The following CHKA variants were observed in gnomAD, a reference collection of about 807,000 sequenced individuals.
CHKA encodes the protein CHETK-alpha.
A neutral mutation model predicts 60.1 loss-of-function variants in CHKA; 34 were observed. The observed-to-expected ratio is 0.57, with a 90% CI of 0.43 to 0.75. The LOEUF (loss-of-function observed/expected upper bound fraction) is 0.75. Among genes scored for constraint, CHKA ranks in the 30% least tolerant of loss-of-function variants. The pLI, the probability that CHKA is intolerant of heterozygous loss-of-function variation, is 0.00. For missense variants in CHKA, 563 were observed against 561.3 expected (o/e 1.00, Z -0.03); for synonymous variants, 217 against 223.1 (o/e 0.97, Z 0.24).
intron 2 of CHKA, among the ~76,000 whole-genome samples, chr11:68,084,743 A>C (rs1857126338): frequency 6.6e-6 from 1 of 152,036 alleles, no homozygotes; most frequent in South Asian, 2.1e-4. Context: ...ATATTTACAG[A>C]ATAATATAAC....
intron 1 of CHKA, among the ~76,000 whole-genome samples, chr11:68,106,922 T>C (rs1188786659): frequency 4.6e-5 from 7 of 152,044 alleles, no homozygotes; most frequent in Non-Finnish European, 1.0e-4. Flanking sequence ...CTCTATTCAC[T>C]AGATGCCAGC....
intron 2 of CHKA, among the ~76,000 whole-genome samples, chr11:68,087,068 G>T (rs1002367978): frequency 6.6e-6 from 1 of 152,114 alleles, no homozygotes; most frequent in Non-Finnish European, 1.5e-5. Context: ...AATACTACAT[G>T]AGCTGCTGTG....
At chr11:68,082,189 A>C (rs909850418) in intron 2 of CHKA, 4 of 152,028 alleles carry the variant, frequency 2.6e-5, no homozygotes, top group Non-Finnish European at 4.4e-5. Flanking sequence ...TAGATCATTA[A>C]CTACCATAAA....
intron 10 of CHKA, 53 bp downstream of exon 10, chr11:68,064,472 T>C (rs1281729925): frequency 6.8e-6 from 6 of 877,646 alleles, no homozygotes; most frequent in Admixed American, 5.5e-5. Flanking sequence ...CTCCCAAATA[T>C]AGTCTATAAA....
chr11:68,055,802 T>TG (rs1855994015), intron 11 of CHKA, among the ~76,000 whole-genome samples: 1 of 151,944 alleles, frequency 6.6e-6, no homozygotes, highest in Non-Finnish European at 1.5e-5. Flanking sequence ...CCTAGCACTT[T>TG]GGGAGGCCAA....
At chr11:68,057,574 C>G (rs537416269) in intron 11 of CHKA, among the ~76,000 whole-genome samples, 224 of 152,320 alleles carry the variant, frequency 1.5e-3, no homozygotes, top group African/African-American at 5.0e-3. Flanking sequence ...CAGCCTCGGC[C>G]TCCCAAAGTG....
chr11:68,107,238 TGA>T lies in CHKA; in HGVS notation c.351-10110_351-10109del, dbSNP rs528151993. 1.5e-3 allele frequency among the ~76,000 whole-genome samples: 226 copies of T among 151,568 alleles called. 2 individuals are homozygous for T. Among genetic ancestry groups the T allele is most frequent in the Middle Eastern group, 3.4e-3 (1 of 292 alleles). The stretch of plus-strand genomic sequence containing the variant: ...CTGCACTCCAACCTGGGTGACAGAG[TGA>T]GACTCTGTCTCAAAAAAAAAAATGT... On this transcript the variant is annotated intron_variant, in intron 1 of 11. Coordinates refer to ENST00000265689, the MANE Select transcript of CHKA (RefSeq NM_001277.3).
chr11:68,067,566 G>A (rs1187442251), intron 7 of CHKA, among the ~76,000 whole-genome samples: 1 of 152,134 alleles, frequency 6.6e-6, no homozygotes, highest in South Asian at 2.1e-4. Flanking sequence ...CTGCACACCA[G>A]CCTGGGTGAC....
At chr11:68,107,166 C>T (rs1160513095) in intron 1 of CHKA, among the ~76,000 whole-genome samples, 2 of 151,908 alleles carry the variant, frequency 1.3e-5, no homozygotes, top group Non-Finnish European at 2.9e-5. Flanking sequence ...GCAGGAGAAT[C>T]GCTTGAACCT....
At chr11:68,069,678 G>A (rs1218497030) in intron 6 of CHKA, among the ~76,000 whole-genome samples, 1 of 147,728 alleles carries the variant, frequency 6.8e-6, no homozygotes, top group Non-Finnish European at 1.5e-5. Flanking sequence ...GCGAGACTCC[G>A]TCTTATAAAA....
chr11:68,077,185 A>G (rs1856821082), intron 3 of CHKA, among the ~76,000 whole-genome samples: 1 of 151,992 alleles, frequency 6.6e-6, no homozygotes, highest in African/African-American at 2.4e-5. Context: ...GGTTGCAGTG[A>G]GCCGAGATCA....
chr11:68,057,473 C>G (rs1856066679), intron 11 of CHKA, among the ~76,000 whole-genome samples: 1 of 152,158 alleles, frequency 6.6e-6, no homozygotes, highest in South Asian at 2.1e-4. Context: ...GCACCTGCCA[C>G]CAGGCCCGGC....
At chr11:68,070,130 C>T in intron 6 of CHKA, 59 bp downstream of exon 6, 1 of 1,241,540 alleles carries the variant, frequency 8.1e-7, no homozygotes, top group Non-Finnish European at 1.2e-6. Context: ...TCAATGTTTA[C>T]TGACAACAGT....
Position 68,120,871 on chromosome 11 carries a change from A to C in CHKA, c.307T>G (p.Trp103Gly). 1 of 1,353,868 alleles carries C rather than the reference A, an allele frequency of 7.4e-7. No individual in the cohort carries two copies. The highest frequency in any genetic ancestry group is 1.5e-5 in the South Asian group (1 of 67,398). 83.9% of individuals were successfully genotyped at this position (1,353,868 alleles called of 1,614,324 possible). A position where few individuals can be genotyped will look rare whatever the true frequency, so the allele number is the denominator to read the frequency against. The change falls in exon 1 of 12, where the codon TGG becomes GGG. Residue 103 changes from tryptophan to glycine, a missense_variant. By Grantham distance (184) the Trp-to-Gly change is radical. Coordinates refer to ENST00000265689, the MANE Select transcript of CHKA (RefSeq NM_001277.3). Reference sequence around the variant, plus strand: ...AACTCGTCCTCGCGGAGGCCCCGCCAGGCGCCGGGCAGGAACTCCTTGCAC... The same window carrying C: ...AACTCGTCCTCGCGGAGGCCCCGCCCGGCGCCGGGCAGGAACTCCTTGCAC... ...LWCKEFLPGA[W>G]RGLREDEFHI...
intron 1 of CHKA, among the ~76,000 whole-genome samples, chr11:68,111,961 G>C (rs1858160888): frequency 6.8e-6 from 1 of 147,006 alleles, no homozygotes; most frequent in Non-Finnish European, 1.5e-5. Flanking sequence ...GCTGAGGCAG[G>C]AGAATCGCTT....
At chr11:68,106,573 C>T (rs1437262001) in intron 1 of CHKA, among the ~76,000 whole-genome samples, 1 of 151,868 alleles carries the variant, frequency 6.6e-6, no homozygotes, top group Non-Finnish European at 1.5e-5. Context: ...AAGACCAGTC[C>T]AGCCCAGGTG....
intron 1 of CHKA, among the ~76,000 whole-genome samples, chr11:68,109,427 A>G (rs932419178): frequency 6.6e-6 from 1 of 152,124 alleles, no homozygotes; most frequent in Non-Finnish European, 1.5e-5. Flanking sequence ...TCTGTTCTTA[A>G]CAAGGTCTGC....
intron 1 of CHKA, among the ~76,000 whole-genome samples, chr11:68,105,514 CAAAAAAAAAAAAAAAA>C (rs1170085830): frequency 7.7e-5 from 5 of 64,954 alleles, no homozygotes; most frequent in African/African-American, 1.8e-4. Context: ...GACTCCATCT[CAAAAAAAAAAAAAAAA>C]AAAAAAAAAA....
intron 11 of CHKA, among the ~76,000 whole-genome samples, chr11:68,054,307 T>C (rs1258099437): frequency 6.6e-6 from 1 of 152,140 alleles, no homozygotes; most frequent in Non-Finnish European, 1.5e-5. Context: ...CAGCCCTGCC[T>C]CTCAGGATGA....
Sources: allele counts gnomAD v4.1 joint callset (sites outside exome capture counted in the v4.1 genomes callset), GRCh38; gene constraint gnomAD v4.1.1; transcripts MANE v1.5; gene names NCBI Gene and HGNC (gene_info 2026-07-23, HGNC 2026-07-21).